SLC22A15: variants seen among roughly 807,000 people sequenced by gnomAD.
The protein encoded by SLC22A15 is flipt 1.
SLC22A15 carries 45 observed loss-of-function variants against 62.7 expected under a neutral mutation model. The ratio of observed to expected loss-of-function variants is 0.72; its 90% CI spans 0.56 to 0.92. The LOEUF (loss-of-function observed/expected upper bound fraction) is 0.92. Among genes scored for constraint, SLC22A15 ranks in the 40% least tolerant of loss-of-function variants. The pLI is 0.00. For missense variants in SLC22A15, 622 were observed against 665.6 expected (o/e 0.93, Z 0.72); for synonymous variants, 264 against 267.0 (o/e 0.99, Z 0.11).
At chr1:116,011,231 T>C (rs1656238022) in intron 2 of SLC22A15, among the ~76,000 whole-genome samples, 1 of 152,252 alleles carries the variant, frequency 6.6e-6, no homozygotes, top group African/African-American at 2.4e-5. Flanking sequence ...TATCCCTGCA[T>C]GATTGTATAT....
At chr1:116,002,697 CT>C (rs1655801679) in intron 2 of SLC22A15, among the ~76,000 whole-genome samples, 1 of 151,712 alleles carries the variant, frequency 6.6e-6, no homozygotes, top group African/African-American at 2.4e-5. Context: ...GAGCTCTTTA[CT>C]TAGCAAGTGG....
chr1:116,066,477 C>T, intron 10 of SLC22A15, 43 bp from the exon 11 acceptor site: 1 of 1,499,470 alleles, frequency 6.7e-7, no homozygotes, highest in Non-Finnish European at 9.0e-7. Flanking sequence ...GCTAAGGAAA[C>T]TAATTCTCTG....
intron 2 of SLC22A15, among the ~76,000 whole-genome samples, chr1:116,009,814 GT>G (rs1270720489): frequency 1.3e-5 from 2 of 152,056 alleles, no homozygotes; most frequent in Admixed American, 1.3e-4. Context: ...AAATAATCTT[GT>G]TTGAAATCAA....
At chr1:116,046,575 G>C (rs1292502581) in intron 8 of SLC22A15, among the ~76,000 whole-genome samples, 1 of 152,184 alleles carries the variant, frequency 6.6e-6, no homozygotes, top group South Asian at 2.1e-4. Context: ...CTCTGACTCA[G>C]ATGAACAGAG....
At chr1:116,008,593 C>T (rs1329288778) in intron 2 of SLC22A15, among the ~76,000 whole-genome samples, 1 of 152,184 alleles carries the variant, frequency 6.6e-6, no homozygotes. Context: ...GCTCACATTC[C>T]TCATATAAAA....
At position 116,032,632 on chromosome 1, in the gene SLC22A15, T is replaced by C. The variant is rs544356811; in HGVS notation, c.944+1051T>C. On this transcript the variant is annotated intron_variant, in intron 6 of 11. Transcript: ENST00000369503. ...GTTGGGGGCCATGTTAACCAACTGCTGCTTTCCCCCACAGAACCATCACAG... is the reference window on the plus strand; with the variant it reads ...GTTGGGGGCCATGTTAACCAACTGCCGCTTTCCCCCACAGAACCATCACAG... 49 of 985,386 alleles carry C rather than the reference T, an allele frequency of 5.0e-5. No individual in the cohort carries two copies. In the African/African-American group the frequency reaches 8.5e-4, roughly 17 times the overall value. The allele number at this position is 985,386 out of a possible 1,614,324, so 61.0% of individuals were successfully genotyped here. A position where few individuals can be genotyped will look rare whatever the true frequency, so the allele number is the denominator to read the frequency against.
intron 1 of SLC22A15, among the ~76,000 whole-genome samples, chr1:115,978,602 G>A (rs1557866199): frequency 6.6e-6 from 1 of 152,120 alleles, no homozygotes; most frequent in South Asian, 2.1e-4. Flanking sequence ...CACATGCTAC[G>A]TGTTTTTAAG....
At chr1:115,987,322 C>T (rs555552765) in intron 1 of SLC22A15, among the ~76,000 whole-genome samples, 30 of 152,110 alleles carry the variant, frequency 2.0e-4, no homozygotes, top group Non-Finnish European at 3.5e-4. Flanking sequence ...CCTGCCACCA[C>T]GCCCAGCTAA....
chr1:116,039,645 C>CCACTACCATTGAGCCTACCACTAAA (rs1657730877), intron 8 of SLC22A15, among the ~76,000 whole-genome samples: 1 of 152,110 alleles, frequency 6.6e-6, no homozygotes, highest in African/African-American at 2.4e-5. Context: ...AAATTATCCT[C>CCACTACCATTGAGCCTACCACTAAA]TTCCACTACC....
intron 1 of SLC22A15, among the ~76,000 whole-genome samples, chr1:115,987,794 G>A (rs924673692): frequency 6.6e-6 from 1 of 152,028 alleles, no homozygotes; most frequent in Non-Finnish European, 1.5e-5. Flanking sequence ...AAGTTAAGTG[G>A]TTCTCGTTCT....
intron 4 of SLC22A15, 126 bp from the exon 5 acceptor site, chr1:116,026,767 G>A: frequency 9.9e-7 from 1 of 1,010,948 alleles, no homozygotes. Flanking sequence ...TTTCTGGTGT[G>A]CCTCTTATAG....
chr1:115,985,507 G>A (rs1232686870), intron 1 of SLC22A15, among the ~76,000 whole-genome samples: 1 of 152,120 alleles, frequency 6.6e-6, no homozygotes, highest in Non-Finnish European at 1.5e-5. Flanking sequence ...TGAAGGAAAA[G>A]ACTACTTTTT....
intron 1 of SLC22A15, among the ~76,000 whole-genome samples, chr1:115,990,290 G>A (rs1031386292): frequency 2.6e-5 from 4 of 152,166 alleles, no homozygotes; most frequent in South Asian, 2.1e-4. Flanking sequence ...AAAACATGAC[G>A]AGTTTGCTTT....
At chr1:116,002,946 C>T (rs1192091852) in intron 2 of SLC22A15, among the ~76,000 whole-genome samples, 2 of 152,122 alleles carry the variant, frequency 1.3e-5, no homozygotes, top group African/African-American at 4.8e-5. Flanking sequence ...TGGGAATGTG[C>T]TGGATCACAC....
chr1:116,035,876 C>T (rs939640057), intron 7 of SLC22A15, among the ~76,000 whole-genome samples: 2 of 152,168 alleles, frequency 1.3e-5, no homozygotes, highest in African/African-American at 4.8e-5. Flanking sequence ...GCACCCTTTC[C>T]TCAGTTTTTG....
intron 8 of SLC22A15, among the ~76,000 whole-genome samples, chr1:116,045,474 C>T (rs1006374505): frequency 2.0e-5 from 3 of 151,712 alleles, no homozygotes; most frequent in Non-Finnish European, 2.9e-5. Flanking sequence ...CATGGTGGCT[C>T]ATGCATGTAA....
intron 8 of SLC22A15, among the ~76,000 whole-genome samples, chr1:116,057,196 A>C (rs1409858240): frequency 8.6e-5 from 13 of 151,482 alleles, no homozygotes; most frequent in African/African-American, 2.7e-4. Flanking sequence ...CAATGAACTC[A>C]AACAAATTTA....
intron 5 of SLC22A15, among the ~76,000 whole-genome samples, chr1:116,028,840 A>G (rs1657235001): frequency 2.0e-5 from 3 of 152,164 alleles, no homozygotes; most frequent in Admixed American, 2.0e-4. Context: ...TCTTCTGCCC[A>G]GATCTTCTTA....
chr1:116,042,853 C>A (rs1657827779), intron 8 of SLC22A15, among the ~76,000 whole-genome samples: 1 of 152,114 alleles, frequency 6.6e-6, no homozygotes, highest in African/African-American at 2.4e-5. Flanking sequence ...TACCCTAAAC[C>A]AATAGAATAT....
Sources: gnomAD v4.1 joint callset for allele counts (sites outside exome capture counted in the v4.1 genomes callset) on GRCh38, gnomAD v4.1.1 for gene constraint, MANE v1.5 for transcripts, NCBI Gene and HGNC (gene_info 2026-07-23, HGNC 2026-07-21) for gene names.